Variants in FAAH2 observed in about 807,000 individuals in gnomAD.
FAAH2 encodes the protein fatty acid amide hydrolase 2.
FAAH2 carries 60 observed loss-of-function variants against 36.9 expected under a neutral mutation model. The ratio of observed to expected loss-of-function variants is 1.63; its 90% CI spans 1.32 to 2.02. The LOEUF (loss-of-function observed/expected upper bound fraction) is 2.02. Among genes scored for constraint, FAAH2 ranks in the 30% most tolerant of loss-of-function variants. The probability of loss-of-function intolerance (pLI) is 0.00; values close to 1 mark genes in which losing one functional copy is unlikely to be tolerated. For synonymous variants in FAAH2, 214 were observed against 143.8 expected (o/e 1.49, Z -3.49); for missense variants, 689 against 397.5 (o/e 1.73, Z -6.23).
chrX:57,321,810 T>G (rs1332368668), intron 3 of FAAH2, among the ~76,000 whole-genome samples: 5 of 111,455 alleles, frequency 4.5e-5, no homozygotes, highest in African/African-American at 1.3e-4. Flanking sequence ...TTGGTTATTA[T>G]GCAGATTTGT....
the FAAH2 span, among the ~76,000 whole-genome samples, chrX:57,182,820 A>G: frequency 1.8e-5 from 2 of 112,149 alleles, no homozygotes; most frequent in Non-Finnish European, 3.8e-5. Flanking sequence ...AATTGAATAA[A>G]GAAAATGTGG....
chrX:57,301,801 G>A (rs1257705129), intron 2 of FAAH2, among the ~76,000 whole-genome samples: 2 of 111,328 alleles, frequency 1.8e-5, no homozygotes, highest in Admixed American at 9.5e-5. Flanking sequence ...TCAGTGGCAT[G>A]GACCATATCT....
At chrX:57,302,890 G>T (rs759007026) in intron 2 of FAAH2, among the ~76,000 whole-genome samples, 1 of 111,091 alleles carries the variant, frequency 9.0e-6, no homozygotes, top group Non-Finnish European at 1.9e-5. Context: ...GAGGTTCCTT[G>T]TTTCAGCTTG....
chrX:57,394,662 AC>A (rs1326361145), intron 7 of FAAH2: 5 of 928,268 alleles, frequency 5.4e-6, no homozygotes, highest in Non-Finnish European at 7.8e-6. Flanking sequence ...CACATCACCC[AC>A]AACTTTTCTC....
At chrX:57,434,201 G>A (rs1049718990) in intron 8 of FAAH2, among the ~76,000 whole-genome samples, 24 of 105,640 alleles carry the variant, frequency 2.3e-4, no homozygotes, top group African/African-American at 8.4e-4. Flanking sequence ...TCAGCCTCCT[G>A]AATAGCTGGG....
chrX:57,162,900 G>T, the FAAH2 span, among the ~76,000 whole-genome samples: 1 of 112,962 alleles, frequency 8.9e-6, no homozygotes, highest in African/African-American at 3.2e-5. Context: ...TCCCTTGCTG[G>T]TAACGAACTG....
intron 4 of FAAH2, among the ~76,000 whole-genome samples, chrX:57,333,591 G>A (rs1219320811): frequency 2.9e-5 from 1 of 34,978 alleles, no homozygotes; most frequent in African/African-American, 7.1e-5. Flanking sequence ...AAAAGCAAAT[G>A]CTAGAAATAA....
intron 5 of FAAH2, among the ~76,000 whole-genome samples, chrX:57,377,864 C>A (rs752897063): frequency 9.0e-6 from 1 of 111,660 alleles, no homozygotes; most frequent in Non-Finnish European, 1.9e-5. Flanking sequence ...CTTCACATCC[C>A]GTGTAAGTTG....
chrX:57,258,072 A>T, the FAAH2 span, among the ~76,000 whole-genome samples: 2 of 112,068 alleles, frequency 1.8e-5, no homozygotes, highest in African/African-American at 3.2e-5. Context: ...TAATCAAAAC[A>T]GCATGGTACT....
At chrX:57,302,925 G>A (rs1037564590) in intron 2 of FAAH2, among the ~76,000 whole-genome samples, 1 of 110,830 alleles carries the variant, frequency 9.0e-6, no homozygotes. Flanking sequence ...GATTTCCTTG[G>A]TCTCAGGAGT....
rs762481171 is a variant in FAAH2, at chrX:57,297,347, C to T, written c.275+4767C>T. Among the ~76,000 whole-genome samples, 19 of 109,516 alleles carry T rather than the reference C, an allele frequency of 1.7e-4. No homozygotes were observed. In the Admixed American group the frequency reaches 1.9e-3, roughly 11 times the overall value. ...TTCAACCCAGCATTTCATATACAGC[C>T]AAACTAAGCTTCATAAGTGCAGGAG... On this transcript the variant is annotated intron_variant, in intron 2 of 10. Coordinates refer to ENST00000374900, the MANE Select transcript of FAAH2 (RefSeq NM_174912.4).
intron 10 of FAAH2, among the ~76,000 whole-genome samples, chrX:57,453,845 G>A (rs774006003): frequency 1.8e-5 from 2 of 112,290 alleles, no homozygotes; most frequent in Non-Finnish European, 3.8e-5. Flanking sequence ...AGATCACTGA[G>A]AGAAGTGGAG....
intron 7 of FAAH2, among the ~76,000 whole-genome samples, chrX:57,384,187 A>G (rs2054942311): frequency 9.1e-6 from 1 of 109,442 alleles, no homozygotes; most frequent in Non-Finnish European, 1.9e-5. Flanking sequence ...GATGGATTAA[A>G]GACTTAAATG....
At chrX:57,272,549 G>C in the FAAH2 span, among the ~76,000 whole-genome samples, 3 of 112,365 alleles carry the variant, frequency 2.7e-5, no homozygotes, top group African/African-American at 9.7e-5. Context: ...CAGACTAACA[G>C]CAGATGTCTC....
intron 3 of FAAH2, among the ~76,000 whole-genome samples, chrX:57,325,307 G>A (rs1048835638): frequency 9.0e-6 from 1 of 110,572 alleles, no homozygotes; most frequent in Non-Finnish European, 1.9e-5. Context: ...TGTCTTTTTT[G>A]GTTGTGTCTC....
chrX:57,354,052 T>A (rs767660163), intron 5 of FAAH2, among the ~76,000 whole-genome samples: 3 of 110,751 alleles, frequency 2.7e-5, no homozygotes, highest in African/African-American at 9.8e-5. Flanking sequence ...AAAGGGGTAA[T>A]AATAGAACTA....
chrX:57,346,798 A>C (rs1165537370), intron 5 of FAAH2, among the ~76,000 whole-genome samples: 1 of 111,489 alleles, frequency 9.0e-6, no homozygotes, highest in Non-Finnish European at 1.9e-5. Context: ...TCATCTGGGA[A>C]GGACTTTATT....
chrX:57,427,693 G>T (rs1009940268), intron 7 of FAAH2, among the ~76,000 whole-genome samples: 2 of 111,219 alleles, frequency 1.8e-5, no homozygotes, highest in African/African-American at 3.3e-5. Context: ...AAAATTAATA[G>T]AATTCAGCAT....
the FAAH2 span, among the ~76,000 whole-genome samples, chrX:57,155,613 C>T: frequency 8.9e-6 from 1 of 112,230 alleles, no homozygotes; most frequent in Admixed American, 9.4e-5. Context: ...AGCAGGGCTC[C>T]CTGCCTTTGA....
Sources: gnomAD v4.1 joint callset for allele counts (sites outside exome capture counted in the v4.1 genomes callset) on GRCh38, gnomAD v4.1.1 for gene constraint, MANE v1.5 for transcripts, NCBI Gene and HGNC (gene_info 2026-07-23, HGNC 2026-07-21) for gene names.